Variants in HSP90AA1 observed in about 807,000 individuals in gnomAD.
HSP90AA1 encodes the protein heat shock protein 90 alpha family class A member 1.
In HSP90AA1, 18 loss-of-function variants were observed where a neutral mutation model predicts 73.3. The observed-to-expected ratio is 0.25, with a 90% CI of 0.17 to 0.36. The LOEUF (loss-of-function observed/expected upper bound fraction) is 0.36, where lower values mean the gene tolerates loss of function less well. HSP90AA1 is among the 10% of genes least tolerant of loss of function. The probability of loss-of-function intolerance (pLI) is 1.00; values close to 1 mark genes in which losing one functional copy is unlikely to be tolerated. For synonymous variants in HSP90AA1, 477 were observed against 296.9 expected, an observed-to-expected ratio of 1.61 and a Z score of -6.24; for missense variants, 704 against 874.2, an observed-to-expected ratio of 0.81 and a Z score of 2.45.
In HSP90AA1 at chr14:102,084,705, G is replaced by A. The variant is rs1276312725; in HGVS notation, c.957C>T (p.Asp319=). 4 of 1,613,762 alleles carry A rather than the reference G, an allele frequency of 2.5e-6. No individual in the cohort carries two copies. The highest frequency in any genetic ancestry group is 2.7e-5 in the African/African-American group (2 of 74,884). ...CCTTCACTGCCAAGTGATCTTCCCA[G>A]TCATTGGTCAAGCTCTTATAGAATT... is the stretch of plus-strand genomic sequence containing the variant. ...YGEFYKSLTN[D]WEDHLAVKHF... The change falls in exon 5 of 11, where the codon GAC becomes GAT. Residue 319 remains aspartate (D), a synonymous_variant. Transcript: ENST00000216281.
intron 1 of HSP90AA1, among the ~76,000 whole-genome samples, chr14:102,128,849 A>G (rs773502010): frequency 2.0e-5 from 3 of 152,106 alleles, no homozygotes; most frequent in Non-Finnish European, 4.4e-5. Flanking sequence ...CTTTTAACCT[A>G]GAAGAATAAG....
upstream of HSP90AA1, among the ~76,000 whole-genome samples, chr14:102,087,355 C>A (rs1158259455): frequency 1.3e-5 from 2 of 151,344 alleles, no homozygotes; most frequent in African/African-American, 2.4e-5. Flanking sequence ...CCTTCTGGGG[C>A]CGCCCGCGCC....
At chr14:102,123,293 G>C (rs1300154719) in intron 1 of HSP90AA1, among the ~76,000 whole-genome samples, 1 of 152,052 alleles carries the variant, frequency 6.6e-6, no homozygotes, top group East Asian at 1.9e-4. Flanking sequence ...CTACTTGAGA[G>C]GGTTAGGCAG....
At chr14:102,115,226 G>C (rs189943499) in intron 1 of HSP90AA1, among the ~76,000 whole-genome samples, 2 of 152,082 alleles carry the variant, frequency 1.3e-5, no homozygotes, top group African/African-American at 4.8e-5. Context: ...TTGAACCCGG[G>C]AGGTAGAGTG....
At chr14:102,104,415 G>A (rs1277962238) in intron 1 of HSP90AA1, among the ~76,000 whole-genome samples, 1 of 151,996 alleles carries the variant, frequency 6.6e-6, no homozygotes, top group Admixed American at 6.6e-5. Context: ...GTTTCACCAT[G>A]TTGGCCAGGC....
intron 1 of HSP90AA1, among the ~76,000 whole-genome samples, chr14:102,134,515 C>T (rs879317152): frequency 1.3e-5 from 2 of 151,952 alleles, no homozygotes; most frequent in African/African-American, 2.4e-5. Context: ...TAAGGTGGCG[C>T]GTCTGGAGTT....
upstream of HSP90AA1, among the ~76,000 whole-genome samples, chr14:102,089,446 T>G (rs2049322933): frequency 6.6e-6 from 1 of 152,118 alleles, no homozygotes; most frequent in Non-Finnish European, 1.5e-5. Context: ...CAGGTGACAT[T>G]CCACAGTTAC....
intron 2 of HSP90AA1, among the ~76,000 whole-genome samples, chr14:102,098,748 T>C (rs1485928311): frequency 6.6e-6 from 1 of 151,938 alleles, no homozygotes; most frequent in African/African-American, 2.4e-5. Flanking sequence ...CAGGCTGGAG[T>C]GCAATGGCAC....
chr14:102,132,581 C>T (rs2049921508), intron 1 of HSP90AA1, among the ~76,000 whole-genome samples: 1 of 152,096 alleles, frequency 6.6e-6, no homozygotes, highest in South Asian at 2.1e-4. Flanking sequence ...ATTGAGACAA[C>T]AGAGAATTTT....
At chr14:102,121,366 A>T (rs1243034065) in intron 1 of HSP90AA1, among the ~76,000 whole-genome samples, 1 of 152,208 alleles carries the variant, frequency 6.6e-6, no homozygotes, top group East Asian at 1.9e-4. Context: ...ATTAAGAACA[A>T]TGCTTTGGTG....
intron 4 of HSP90AA1, 36 bp downstream of exon 4, chr14:102,085,258 TACAG>T: frequency 6.3e-7 from 1 of 1,597,524 alleles, no homozygotes; most frequent in Non-Finnish European, 8.6e-7. Flanking sequence ...CCCAATCACC[TACAG>T]ACAGAAATTC....
At chr14:102,095,905 G>C (rs544771326) in intron 2 of HSP90AA1, among the ~76,000 whole-genome samples, 19 of 152,250 alleles carry the variant, frequency 1.2e-4, no homozygotes, top group Admixed American at 2.6e-4. Flanking sequence ...ACTTCCCAGT[G>C]CAGAAAACCC....
chr14:102,122,981 T>G (rs1006611347), intron 1 of HSP90AA1, among the ~76,000 whole-genome samples: 14 of 152,190 alleles, frequency 9.2e-5, no homozygotes, highest in African/African-American at 3.1e-4. Flanking sequence ...ACTCTTCTTT[T>G]TCATAGTGAT....
At chr14:102,115,261 C>T (rs2049692031) in intron 1 of HSP90AA1, among the ~76,000 whole-genome samples, 1 of 151,832 alleles carries the variant, frequency 6.6e-6, no homozygotes, top group African/African-American at 2.4e-5. Context: ...CACTGTATTC[C>T]AGTCTGGGTG....
At chr14:102,083,002 A>G in intron 9 of HSP90AA1, 32 bp downstream of exon 9, 2 of 1,602,546 alleles carry the variant, frequency 1.2e-6, no homozygotes, top group Non-Finnish European at 1.7e-6. Flanking sequence ...CCTTAGAAGT[A>G]TCAATGATCA....
intron 1 of HSP90AA1, among the ~76,000 whole-genome samples, chr14:102,120,845 G>A (rs1566734121): frequency 6.6e-6 from 1 of 151,942 alleles, no homozygotes; most frequent in Non-Finnish European, 1.5e-5. Context: ...GGCAGAGGCA[G>A]GAGGATCGCT....
intron 1 of HSP90AA1, among the ~76,000 whole-genome samples, chr14:102,113,851 C>T (rs1203741420): frequency 6.6e-6 from 1 of 152,108 alleles, no homozygotes; most frequent in Admixed American, 6.5e-5. Context: ...GCTGGGACTA[C>T]AAGCGCCTGC....
intron 1 of HSP90AA1, among the ~76,000 whole-genome samples, chr14:102,123,524 T>TAA (rs35005317): frequency 6.6e-6 from 1 of 151,394 alleles, no homozygotes; most frequent in Non-Finnish European, 1.5e-5. Flanking sequence ...AAGTAGTTTC[T>TAA]AAAACCTTGT....
intron 1 of HSP90AA1, among the ~76,000 whole-genome samples, chr14:102,131,387 C>T (rs879567094): frequency 6.6e-6 from 1 of 152,208 alleles, no homozygotes; most frequent in African/African-American, 2.4e-5. Flanking sequence ...CTACCTACCT[C>T]TGGCACCTGT....
Sources: gnomAD v4.1 joint callset for allele counts (sites outside exome capture counted in the v4.1 genomes callset) on GRCh38, gnomAD v4.1.1 for gene constraint, MANE v1.5 for transcripts, NCBI Gene and HGNC (gene_info 2026-07-23, HGNC 2026-07-21) for gene names.